The following AUH variants were observed in gnomAD, a reference collection of about 807,000 sequenced individuals.
AUH encodes the protein methylglutaconyl-CoA hydratase, mitochondrial.
AUH carries 29 observed loss-of-function variants against 42.3 expected under a neutral mutation model. The ratio of observed to expected loss-of-function variants is 0.69; its 90% CI spans 0.51 to 0.93. AUH has a LOEUF of 0.93. AUH is among the 40% of genes least tolerant of loss of function. The pLI is 0.00. For missense variants in AUH, 452 were observed against 438.1 expected (o/e 1.03, Z -0.28); for synonymous variants, 174 against 166.4 (o/e 1.05, Z -0.35).
chr9:91,315,256 A>G (rs1829066666), intron 4 of AUH, among the ~76,000 whole-genome samples: 1 of 152,066 alleles, frequency 6.6e-6, no homozygotes, highest in Non-Finnish European at 1.5e-5. Context: ...TCATCTTTTG[A>G]CAGCAGAGGT....
At chr9:91,224,595 T>C (rs1005065786) in intron 6 of AUH, among the ~76,000 whole-genome samples, 1 of 152,224 alleles carries the variant, frequency 6.6e-6, no homozygotes, top group African/African-American at 2.4e-5. Flanking sequence ...TCTTATGCTA[T>C]GGTCTTTGAT....
chr9:91,326,904 T>C (rs1830000732), intron 3 of AUH, among the ~76,000 whole-genome samples: 1 of 152,178 alleles, frequency 6.6e-6, no homozygotes. Flanking sequence ...GGTGCCAAAC[T>C]GTTCTTTGAG....
intron 1 of AUH, among the ~76,000 whole-genome samples, chr9:91,358,847 C>T (rs1832635447): frequency 1.3e-5 from 2 of 152,162 alleles, no homozygotes; most frequent in African/African-American, 4.8e-5. Context: ...TAATATGTAA[C>T]AACTGTACCA....
At chr9:91,277,915 CTTTCT>C (rs1355156425) in intron 6 of AUH, among the ~76,000 whole-genome samples, 1 of 152,080 alleles carries the variant, frequency 6.6e-6, no homozygotes, top group East Asian at 1.9e-4. Flanking sequence ...AATGCTATTC[CTTTCT>C]TATTAACTGA....
intron 6 of AUH, among the ~76,000 whole-genome samples, chr9:91,226,938 T>C (rs879500737): frequency 2.1e-5 from 3 of 145,894 alleles, no homozygotes; most frequent in Non-Finnish European, 4.5e-5. Context: ...AGTACCATGC[T>C]GTTTTGGTTA....
intron 4 of AUH, among the ~76,000 whole-genome samples, chr9:91,305,287 C>A (rs1443447374): frequency 6.6e-6 from 1 of 152,124 alleles, no homozygotes; most frequent in East Asian, 1.9e-4. Context: ...TACACATGAG[C>A]TTATTCTCTA....
At position 91,330,690 on chromosome 9, in the gene AUH, G is replaced by A. The variant is rs546259906; in HGVS notation, c.419-5286C>T. Among the ~76,000 whole-genome samples the A allele has an allele frequency of 1.4e-4, 21 of 152,290 alleles. No homozygotes were observed. The South Asian group carries it at 4.4e-3, about 32-fold the overall frequency. The stretch of plus-strand genomic sequence containing the variant: ...AAGCTGGGAACACCTCAAACAACAA[G>A]CAAACAGTAGAAGACACAAATTATG... On this transcript the variant is annotated intron_variant, in intron 3 of 9. Transcript: ENST00000375731.
chr9:91,273,526 A>G (rs906141551), intron 6 of AUH, among the ~76,000 whole-genome samples: 1 of 152,246 alleles, frequency 6.6e-6, no homozygotes, highest in African/African-American at 2.4e-5. Context: ...AAACTATGAT[A>G]AATTTCACAT....
chr9:91,231,551 G>C (rs1034435586), intron 6 of AUH, among the ~76,000 whole-genome samples: 1 of 152,180 alleles, frequency 6.6e-6, no homozygotes, highest in African/African-American at 2.4e-5. Context: ...GACCGGAGCT[G>C]TTCCTATTCG....
intron 3 of AUH, among the ~76,000 whole-genome samples, chr9:91,347,540 C>T (rs564067338): frequency 6.6e-6 from 1 of 152,254 alleles, no homozygotes; most frequent in African/African-American, 2.4e-5. Context: ...AAGCTGCCCC[C>T]CCATCCTGAA....
At chr9:91,223,110 C>T (rs968874308) in intron 6 of AUH, among the ~76,000 whole-genome samples, 10 of 152,176 alleles carry the variant, frequency 6.6e-5, no homozygotes, top group African/African-American at 2.4e-4. Context: ...GGATGCATAA[C>T]ACAACAGATG....
rs568657445 is a variant in AUH, at chr9:91,351,529, CATT to C, written c.418+4351_418+4353del. 2.5e-3 allele frequency among the ~76,000 whole-genome samples: 388 copies of C among 152,306 alleles called. 2 individuals carry two copies. Among genetic ancestry groups the C allele is most frequent in the African/African-American group, 8.2e-3 (342 of 41,556 alleles). On this transcript the variant is annotated intron_variant, in intron 3 of 9. Coordinates refer to ENST00000375731, the MANE Select transcript of AUH (RefSeq NM_001698.3). ...GAAAATTTCATCCTTGTATAAACAT[CATT>C]GAGTATATATACACAAACCTAGATG... is the stretch of plus-strand genomic sequence containing the variant.
chr9:91,336,399 G>A (rs1457287775), intron 3 of AUH, among the ~76,000 whole-genome samples: 1 of 152,128 alleles, frequency 6.6e-6, no homozygotes. Flanking sequence ...GGAGGCCAAG[G>A]CGGGTGAATC....
Position 91,342,665 on chromosome 9 carries a change from A to G in AUH, c.418+13218T>C, listed in dbSNP as rs78004987. 127 of 152,342 alleles carry G rather than the reference A, an allele frequency of 8.3e-4. 2 individuals are homozygous for G. In the East Asian group the frequency reaches 0.02, roughly 25 times the overall value. 9.4% of individuals were successfully genotyped at this position (152,342 alleles called of 1,614,324 possible). A position where few individuals can be genotyped will look rare whatever the true frequency, so the allele number is the denominator to read the frequency against. ...ATTATACAGGTAGGCTTTTTAAAAA[A>G]TGGAATTAGAGTCAGAAATGAATTA... On this transcript the variant is annotated intron_variant, in intron 3 of 9. Coordinates refer to ENST00000375731, the MANE Select transcript of AUH (RefSeq NM_001698.3).
At chr9:91,278,008 A>G (rs1459536756) in intron 6 of AUH, among the ~76,000 whole-genome samples, 2 of 152,216 alleles carry the variant, frequency 1.3e-5, no homozygotes, top group Non-Finnish European at 1.5e-5. Flanking sequence ...AGGTTTCCCC[A>G]CTGGAGGAGG....
At chr9:91,357,436 C>G (rs1029804393) in intron 1 of AUH, 69 of 907,184 alleles carry the variant, frequency 7.6e-5, no homozygotes, top group Non-Finnish European at 9.1e-5. Flanking sequence ...GAAAATCAAG[C>G]AGCTAAGACT....
chr9:91,267,087 A>G (rs1433492186), intron 6 of AUH, among the ~76,000 whole-genome samples: 1 of 152,178 alleles, frequency 6.6e-6, no homozygotes, highest in Non-Finnish European at 1.5e-5. Flanking sequence ...AGCTTAGCCT[A>G]CAGATGCATC....
intron 6 of AUH, among the ~76,000 whole-genome samples, chr9:91,282,089 C>T (rs1008273473): frequency 6.6e-6 from 1 of 152,106 alleles, no homozygotes; most frequent in Admixed American, 6.6e-5. Flanking sequence ...GACAGTATCT[C>T]CTATTGCTCT....
chr9:91,332,230 G>T (rs749500812), intron 3 of AUH, among the ~76,000 whole-genome samples: 2 of 152,162 alleles, frequency 1.3e-5, no homozygotes, highest in African/African-American at 4.8e-5. Context: ...AGCTGGGCGC[G>T]GTGGCTCACG....
Sources: allele counts gnomAD v4.1 joint callset (sites outside exome capture counted in the v4.1 genomes callset), GRCh38; gene constraint gnomAD v4.1.1; transcripts MANE v1.5; gene names NCBI Gene and HGNC (gene_info 2026-07-23, HGNC 2026-07-21).